The following SDCCAG8 variants were observed in gnomAD, a reference collection of about 807,000 sequenced individuals.
SDCCAG8 encodes serologically defined colon cancer antigen 8.
SDCCAG8 carries 74 observed loss-of-function variants against 101.8 expected under a neutral mutation model. That is an observed-to-expected ratio of 0.73 (90% CI 0.60 to 0.88). The LOEUF (loss-of-function observed/expected upper bound fraction) is 0.88. Among genes scored for constraint, SDCCAG8 ranks in the 40% least tolerant of loss-of-function variants. SDCCAG8 has a pLI of 0.00. For synonymous variants in SDCCAG8, 281 were observed against 292.9 expected (o/e 0.96, Z 0.41); for missense variants, 787 against 822.6 (o/e 0.96, Z 0.53).
chr1:243,485,741 G>A (rs1268800521), intron 16 of SDCCAG8, among the ~76,000 whole-genome samples: 12 of 150,920 alleles, frequency 8.0e-5, no homozygotes, highest in South Asian at 6.3e-4. Flanking sequence ...CTGTCTCTAC[G>A]AAAAATATAA....
intron 10 of SDCCAG8, among the ~76,000 whole-genome samples, chr1:243,333,585 C>T (rs1475362973): frequency 6.6e-6 from 1 of 152,208 alleles, no homozygotes. Context: ...TATTTTGTCA[C>T]CTCTCACTTA....
intron 4 of SDCCAG8, among the ~76,000 whole-genome samples, chr1:243,280,650 T>C (rs569750159): frequency 6.6e-6 from 1 of 152,366 alleles, no homozygotes; most frequent in South Asian, 2.1e-4. Context: ...AAAATATTTC[T>C]AAATGGCTCT....
chr1:243,493,777 T>G (rs1027143188), intron 17 of SDCCAG8, among the ~76,000 whole-genome samples: 1 of 151,786 alleles, frequency 6.6e-6, no homozygotes, highest in African/African-American at 2.4e-5. Flanking sequence ...ATCATCGACA[T>G]TATCTCATTA....
At chr1:243,419,890 A>T (rs1339017345) in intron 15 of SDCCAG8, among the ~76,000 whole-genome samples, 1 of 152,160 alleles carries the variant, frequency 6.6e-6, no homozygotes, top group Non-Finnish European at 1.5e-5. Flanking sequence ...TTCCTCCTCT[A>T]GATCTGTCAT....
At chr1:243,379,121 C>T (rs948473897) in intron 13 of SDCCAG8, among the ~76,000 whole-genome samples, 2 of 152,130 alleles carry the variant, frequency 1.3e-5, no homozygotes, top group African/African-American at 4.8e-5. Context: ...TCAATATAAG[C>T]GAAATGACAT....
At chr1:243,288,610 T>C (rs945007445) in intron 5 of SDCCAG8, among the ~76,000 whole-genome samples, 4 of 152,192 alleles carry the variant, frequency 2.6e-5, no homozygotes, top group African/African-American at 9.7e-5. Context: ...GAAGGGGTTT[T>C]TGTAATGAGT....
rs1428055579 is a variant in SDCCAG8 at position 243,273,992 on chromosome 1, T to G, written c.307-551T>G. On this transcript the variant is annotated intron_variant, in intron 3 of 17. Transcript: ENST00000366541. ...AGAAGCAAGTATTTGTATTAGTCCA[T>G]TCTCGTGTTGCTAAAAATAAATACC... Among the ~76,000 whole-genome samples, 3 of 152,222 alleles carry G rather than the reference T, an allele frequency of 2.0e-5. No individual in the cohort carries two copies. The East Asian group carries it at 5.8e-4, about 29-fold the overall frequency.
intron 6 of SDCCAG8, 176 bp downstream of exon 6, chr1:243,293,395 T>C (rs2070465919): frequency 1.3e-6 from 1 of 777,530 alleles, no homozygotes; most frequent in African/African-American, 1.7e-5. Flanking sequence ...TTATCCATTT[T>C]CAGAACTTTT....
At chr1:243,316,223 GCAA>G (rs1011972617) in intron 8 of SDCCAG8, among the ~76,000 whole-genome samples, 36 of 152,276 alleles carry the variant, frequency 2.4e-4, no homozygotes, top group African/African-American at 8.4e-4. Flanking sequence ...TAATCATTGA[GCAA>G]CAACAAGTGT....
At chr1:243,310,309 T>C (rs1046533718) in intron 8 of SDCCAG8, among the ~76,000 whole-genome samples, 2 of 152,190 alleles carry the variant, frequency 1.3e-5, no homozygotes, top group African/African-American at 4.8e-5. Context: ...AAAAATGTAG[T>C]AAACATTTAT....
chr1:243,389,670 T>C (rs1421043806), intron 13 of SDCCAG8, among the ~76,000 whole-genome samples: 2 of 152,210 alleles, frequency 1.3e-5, no homozygotes, highest in African/African-American at 2.4e-5. Flanking sequence ...AAAACAAATA[T>C]GCTGATCATT....
At chr1:243,300,758 T>C (rs2071417324) in intron 6 of SDCCAG8, among the ~76,000 whole-genome samples, 1 of 152,220 alleles carries the variant, frequency 6.6e-6, no homozygotes, top group Non-Finnish European at 1.5e-5. Context: ...TTGGCTGAAT[T>C]AGGAGTTCCT....
chr1:243,295,663 C>A (rs2070799461), intron 6 of SDCCAG8, among the ~76,000 whole-genome samples: 1 of 152,098 alleles, frequency 6.6e-6, no homozygotes, highest in Admixed American at 6.5e-5. Context: ...TTATGCAGTC[C>A]TCCCTCCCCA....
chr1:243,326,890 C>T (rs768494500), intron 9 of SDCCAG8, among the ~76,000 whole-genome samples: 1 of 152,126 alleles, frequency 6.6e-6, no homozygotes, highest in Non-Finnish European at 1.5e-5. Flanking sequence ...AATATTTTGA[C>T]TGCCTAAGAT....
chr1:243,344,349 A>G lies in SDCCAG8; in HGVS notation c.1473+18A>G. The G allele has an allele frequency of 6.7e-7, 1 of 1,483,830 alleles. No homozygotes were observed. The highest frequency in any genetic ancestry group is 9.4e-7 in the Non-Finnish European group (1 of 1,061,614). 91.9% of individuals were successfully genotyped at this position (1,483,830 alleles called of 1,614,324 possible). A position where few individuals can be genotyped will look rare whatever the true frequency, so the allele number is the denominator to read the frequency against. On this transcript the variant is annotated intron_variant, in intron 12 of 17. Coordinates refer to ENST00000366541, the MANE Select transcript of SDCCAG8 (RefSeq NM_006642.5). ...AAGATCAGGTAAGAGAGGACACAGC[A>G]TAATTGCAGCAATTATAGATATGAG...
chr1:243,462,113 T>C (rs79168525), intron 16 of SDCCAG8, among the ~76,000 whole-genome samples: 1,630 of 152,248 alleles, frequency 0.011, 9 homozygotes, highest in Non-Finnish European at 0.016. Flanking sequence ...CCTGCATCAG[T>C]GTAGCACAGA....
intron 13 of SDCCAG8, among the ~76,000 whole-genome samples, chr1:243,394,203 G>C (rs556890756): frequency 3.9e-4 from 60 of 152,162 alleles, no homozygotes; most frequent in African/African-American, 1.4e-3. Context: ...GGAGGGGGAG[G>C]GGGAAACATT....
intron 8 of SDCCAG8, among the ~76,000 whole-genome samples, chr1:243,308,520 G>A (rs73118331): frequency 0.028 from 4,307 of 152,256 alleles, 217 homozygotes; most frequent in African/African-American, 0.098. Context: ...ACTATTCTTA[G>A]CAAAACTGAG....
At chr1:243,398,583 T>C (rs899838112) in intron 13 of SDCCAG8, among the ~76,000 whole-genome samples, 1 of 152,224 alleles carries the variant, frequency 6.6e-6, no homozygotes, top group Non-Finnish European at 1.5e-5. Flanking sequence ...GCTTTGATTA[T>C]AGTGTACTGA....
Sources: gnomAD v4.1 joint callset for allele counts (sites outside exome capture counted in the v4.1 genomes callset) on GRCh38, gnomAD v4.1.1 for gene constraint, MANE v1.5 for transcripts, NCBI Gene and HGNC (gene_info 2026-07-23, HGNC 2026-07-21) for gene names.